CACNA2D1: variants seen among roughly 807,000 people sequenced by gnomAD.
CACNA2D1 encodes the protein voltage-dependent calcium channel subunit alpha-2/delta-1.
Under a neutral mutation model 171.5 loss-of-function variants are expected in CACNA2D1, and 53 were observed. That is an observed-to-expected ratio of 0.31 (90% CI 0.25 to 0.39). The LOEUF (loss-of-function observed/expected upper bound fraction) is 0.39, where lower values mean the gene tolerates loss of function less well. Among genes scored for constraint, CACNA2D1 ranks in the 10% least tolerant of loss-of-function variants. The pLI, the probability that CACNA2D1 is intolerant of heterozygous loss-of-function variation, is 1.00. For missense variants in CACNA2D1, 903 were observed against 1,299.8 expected (o/e 0.69, Z 4.69); for synonymous variants, 442 against 443.1 (o/e 1.00, Z 0.03).
chr7:82,270,704 T>C (rs186828554), intron 3 of CACNA2D1, among the ~76,000 whole-genome samples: 13 of 152,178 alleles, frequency 8.5e-5, no homozygotes, highest in Admixed American at 3.9e-4. Context: ...ATATGCTAGC[T>C]CCTCTCTTCT....
intron 4 of CACNA2D1, among the ~76,000 whole-genome samples, chr7:82,157,879 C>T (rs1339209760): frequency 6.6e-6 from 1 of 151,914 alleles, no homozygotes; most frequent in Non-Finnish European, 1.5e-5. Context: ...TTAGATTTCA[C>T]CAATTGTTGA....
At chr7:81,973,015 C>T (rs762910785) in intron 25 of CACNA2D1, among the ~76,000 whole-genome samples, 4 of 151,800 alleles carry the variant, frequency 2.6e-5, no homozygotes, top group African/African-American at 7.3e-5. Flanking sequence ...GTTCTAATTG[C>T]CTCCAATCCC....
chr7:82,184,272 C>T (rs915364115), intron 3 of CACNA2D1, among the ~76,000 whole-genome samples: 1 of 150,372 alleles, frequency 6.7e-6, no homozygotes, highest in East Asian at 2.0e-4. Flanking sequence ...ATCTTTCCTC[C>T]TAGGAGTTGG....
chr7:82,346,206 A>G (rs1464434697), intron 2 of CACNA2D1, among the ~76,000 whole-genome samples: 1 of 152,188 alleles, frequency 6.6e-6, no homozygotes, highest in African/African-American at 2.4e-5. Flanking sequence ...CCAGTCCTAG[A>G]TGGCTTACCT....
At chr7:82,226,302 C>A (rs1296570086) in intron 3 of CACNA2D1, among the ~76,000 whole-genome samples, 2 of 152,214 alleles carry the variant, frequency 1.3e-5, no homozygotes, top group Non-Finnish European at 2.9e-5. Context: ...GCTGACTCAA[C>A]TCTGCTGGGC....
intron 1 of CACNA2D1, among the ~76,000 whole-genome samples, chr7:82,440,420 A>C (rs1294350095): frequency 2.6e-5 from 4 of 151,928 alleles, no homozygotes; most frequent in Non-Finnish European, 5.9e-5. Context: ...AAAACGGACA[A>C]CTACCCTTTT....
chr7:81,955,505 CTG>C (rs965532206), intron 38 of CACNA2D1, among the ~76,000 whole-genome samples: 3 of 151,956 alleles, frequency 2.0e-5, no homozygotes, highest in African/African-American at 4.8e-5. Flanking sequence ...ATACAGATAA[CTG>C]TGTTTTTAAA....
At chr7:82,204,726 C>A (rs1217768212) in intron 3 of CACNA2D1, among the ~76,000 whole-genome samples, 1 of 152,076 alleles carries the variant, frequency 6.6e-6, no homozygotes, top group Non-Finnish European at 1.5e-5. Context: ...ATGTGTTGGA[C>A]CTGTGTGTCC....
chr7:82,434,605 A>G (rs1223853194), intron 1 of CACNA2D1, among the ~76,000 whole-genome samples: 2 of 152,186 alleles, frequency 1.3e-5, no homozygotes, highest in Non-Finnish European at 2.9e-5. Context: ...GTTCCACTTT[A>G]TAAGTGAGAA....
chr7:82,040,638 A>G (rs1447635429), intron 10 of CACNA2D1, among the ~76,000 whole-genome samples: 1 of 152,086 alleles, frequency 6.6e-6, no homozygotes, highest in African/African-American at 2.4e-5. Flanking sequence ...AAATGTGTCA[A>G]AAGGAAGACA....
At chr7:82,273,063 T>C (rs949150294) in intron 3 of CACNA2D1, among the ~76,000 whole-genome samples, 1 of 152,102 alleles carries the variant, frequency 6.6e-6, no homozygotes, top group Non-Finnish European at 1.5e-5. Context: ...ATGTTCTAAA[T>C]AAAATCACAA....
intron 10 of CACNA2D1, among the ~76,000 whole-genome samples, chr7:82,048,030 C>T (rs1804751503): frequency 6.6e-6 from 1 of 152,094 alleles, no homozygotes; most frequent in Non-Finnish European, 1.5e-5. Context: ...AATTTCTCAT[C>T]TGTACACATC....
At chr7:82,176,351 T>C (rs1209710775) in intron 3 of CACNA2D1, among the ~76,000 whole-genome samples, 2 of 151,988 alleles carry the variant, frequency 1.3e-5, no homozygotes, top group African/African-American at 4.8e-5. Context: ...CTGAAATTCA[T>C]ATAAACATGT....
At chr7:82,221,511 G>C (rs981905450) in intron 3 of CACNA2D1, among the ~76,000 whole-genome samples, 2 of 152,078 alleles carry the variant, frequency 1.3e-5, no homozygotes, top group Non-Finnish European at 2.9e-5. Flanking sequence ...TAAAGAGACC[G>C]AGATGGGTGG....
rs1204736946 is a variant in CACNA2D1, at chr7:81,968,901, A to G, written c.2381T>C (p.Leu794Pro). The G allele has an allele frequency of 1.9e-6, 3 of 1,552,286 alleles. No homozygotes were observed. In the African/African-American group the frequency reaches 4.1e-5, roughly 21 times the overall value. The change falls in exon 29 of 39, where the codon CTT (leucine) becomes CCT (proline). Residue 794 changes from leucine (L) to proline (P), a missense_variant. Physicochemically the swap from Leu to Pro is moderately conservative, Grantham distance 98. This residue lies in a region of CACNA2D1 where 623 missense variants were observed against 925.5 expected (regional missense o/e 0.67). Coordinates refer to ENST00000356860, the MANE Select transcript of CACNA2D1 (RefSeq NM_000722.4). ...TTTATCCTTACCTGCAGGTTTAAGA[A>G]GTTTCCCTTGAATATATATTTCTAC... Reference protein sequence around the residue: ...KAVEIYIQGKLLKPAVVGIKI... With the variant: ...KAVEIYIQGKPLKPAVVGIKI...
chr7:82,312,683 A>ATT (rs60040027), intron 3 of CACNA2D1, among the ~76,000 whole-genome samples: 20 of 144,884 alleles, frequency 1.4e-4, no homozygotes, highest in African/African-American at 4.8e-4. Flanking sequence ...TGCCCAGCTA[A>ATT]TTTTTTTTTT....
chr7:82,193,365 C>T (rs1433749662), intron 3 of CACNA2D1, among the ~76,000 whole-genome samples: 1 of 151,848 alleles, frequency 6.6e-6, no homozygotes, highest in East Asian at 1.9e-4. Flanking sequence ...TAGTCCCGGG[C>T]AAACTGACAA....
At chr7:81,964,500 G>GA (rs1794493688) in intron 32 of CACNA2D1, 141 bp from the exon 33 acceptor site, 1 of 655,698 alleles carries the variant, frequency 1.5e-6, no homozygotes, top group African/African-American at 1.8e-5. Context: ...AAGCAAATGA[G>GA]AAACGTGTAT....
intron 3 of CACNA2D1, among the ~76,000 whole-genome samples, chr7:82,284,483 G>A (rs1269659744): frequency 6.6e-6 from 1 of 152,136 alleles, no homozygotes; most frequent in East Asian, 1.9e-4. Flanking sequence ...CCTAGACTGA[G>A]TCATTTATAA....
Sources: gnomAD v4.1 joint callset for allele counts (sites outside exome capture counted in the v4.1 genomes callset) on GRCh38, gnomAD v4.1.1 for gene constraint, gnomAD v4.1.1 regional missense constraint, MANE v1.5 for transcripts, NCBI Gene and HGNC (gene_info 2026-07-23, HGNC 2026-07-21) for gene names.